The following OR3A2 variants were observed in gnomAD, a reference collection of about 807,000 sequenced individuals.
OR3A2 encodes olfactory receptor 3A2.
For missense variants in OR3A2, 318 were observed against 392.8 expected, an observed-to-expected ratio of 0.81 and a Z score of 1.61; for synonymous variants, 126 against 159.3, an observed-to-expected ratio of 0.79 and a Z score of 1.57.
intron 3 of OR3A2, chr17:3,291,576 C>T (rs1024636533): frequency 2.2e-6 from 3 of 1,390,416 alleles, no homozygotes; most frequent in South Asian, 2.9e-5. Flanking sequence ...TAGTTTCTGG[C>T]TCTAGAAGAC....
chr17:3,318,925 CTA>C (rs1219368458), intron 3 of OR3A2, among the ~76,000 whole-genome samples: 1 of 151,654 alleles, frequency 6.6e-6, no homozygotes, highest in Non-Finnish European at 1.5e-5. Context: ...CAGTGAATCT[CTA>C]TTTCCTATTG....
At position 3,278,990 on chromosome 17, in the gene OR3A2, T is replaced by A. The variant is rs2003789; in HGVS notation, c.-6-67A>T. On this transcript the variant is annotated intron_variant, in intron 1 of 1. Coordinates refer to ENST00000642052, the Ensembl canonical transcript of OR3A2. ...AGTTCACTTATTCAACATTAATATT[T>A]TAAACCATTTATGTTCAAAGCCCCG... The A allele has an allele frequency of 1.1e-3, 1,761 of 1,565,118 alleles. 14 individuals carry two copies. In the African/African-American group the frequency reaches 0.021, roughly 19 times the overall value.
At chr17:3,326,303 C>A (rs1276263144) in intron 3 of OR3A2, among the ~76,000 whole-genome samples, 1 of 151,936 alleles carries the variant, frequency 6.6e-6, no homozygotes, top group African/African-American at 2.4e-5. Flanking sequence ...TGGGTTTATA[C>A]CCAGTAATGG....
intron 3 of OR3A2, among the ~76,000 whole-genome samples, chr17:3,314,348 T>G (rs188930321): frequency 0.012 from 1,772 of 151,114 alleles, 37 homozygotes; most frequent in African/African-American, 0.041. Flanking sequence ...AAGTAAAGAG[T>G]TTTTAACTCT....
intron 2 of OR3A2, among the ~76,000 whole-genome samples, chr17:3,345,149 T>C (rs890897666): frequency 6.6e-6 from 1 of 152,132 alleles, no homozygotes; most frequent in Non-Finnish European, 1.5e-5. Context: ...CTGATGTAGG[T>C]AGGACAATAA....
At chr17:3,346,122 T>C (rs1408119167) in intron 2 of OR3A2, among the ~76,000 whole-genome samples, 1 of 152,130 alleles carries the variant, frequency 6.6e-6, no homozygotes, top group Non-Finnish European at 1.5e-5. Flanking sequence ...ATAAAAAAAA[T>C]TGCCAGGACA....
intron 3 of OR3A2, chr17:3,291,703 T>C (rs1173562145): frequency 1.9e-6 from 3 of 1,612,168 alleles, no homozygotes; most frequent in Non-Finnish European, 2.5e-6. Context: ...TTTCTGAAGC[T>C]GTAGATGATT....
intron 3 of OR3A2, chr17:3,310,803 G>T: frequency 1.4e-6 from 1 of 712,404 alleles, no homozygotes; most frequent in Non-Finnish European, 2.4e-6. Context: ...CCAAACTGTT[G>T]CCCTGTCTCC....
chr17:3,373,100 G>C (rs2049647125), intron 2 of OR3A2, among the ~76,000 whole-genome samples: 1 of 152,164 alleles, frequency 6.6e-6, no homozygotes, highest in African/African-American at 2.4e-5. Context: ...CGTGTGTGTA[G>C]TTTTGAGGGT....
chr17:3,349,708 C>T (rs1277478659), intron 2 of OR3A2, among the ~76,000 whole-genome samples: 1 of 150,790 alleles, frequency 6.6e-6, no homozygotes, highest in African/African-American at 2.4e-5. Context: ...GAACTCTCCA[C>T]CCCAAATCAA....
At position 3,374,653 on chromosome 17, in the gene OR3A2, C is replaced by T. The variant is rs182313168; in HGVS notation, c.-179+9151G>A. On this transcript the variant is annotated intron_variant, in intron 2 of 4. Transcript: ENST00000573491. The stretch of plus-strand genomic sequence containing the variant: ...AGAAATTGTGATTATCTTTTCTTTA[C>T]GGTTTCTATTTCTCTGGAGACATTT... 4.3e-4 allele frequency among the ~76,000 whole-genome samples: 66 copies of T among 152,110 alleles called. No individual in the cohort carries two copies. The East Asian group carries it at 9.8e-3, about 23-fold the overall frequency.
chr17:3,363,960 G>A (rs2049541397), intron 2 of OR3A2, among the ~76,000 whole-genome samples: 2 of 152,076 alleles, frequency 1.3e-5, no homozygotes, highest in Admixed American at 1.3e-4. Flanking sequence ...AACAGCAAGG[G>A]GAAAATCTGC....
At position 3,350,607 on chromosome 17, in the gene OR3A2, A is replaced by G. The variant is rs906446222; in HGVS notation, c.-178-14481T>C. 1.7e-3 allele frequency among the ~76,000 whole-genome samples: 261 copies of G among 150,440 alleles called. 1 individual carries two copies. Among genetic ancestry groups the G allele is most frequent in the African/African-American group, 5.7e-3 (236 of 41,350 alleles). ...ACAGCCGAATTCTACCAGAGGTACA[A>G]GGAGGAACAGGTACCATTCCTTCTG... On this transcript the variant is annotated intron_variant, in intron 2 of 4. Transcript: ENST00000573491.
chr17:3,341,401 C>T (rs2150647705), intron 2 of OR3A2, among the ~76,000 whole-genome samples: 1 of 152,276 alleles, frequency 6.6e-6, no homozygotes, highest in Non-Finnish European at 1.5e-5. Context: ...GTGGCTAGTA[C>T]CGGTTTTTCC....
chr17:3,301,001 T>C (rs1238593080), intron 3 of OR3A2, among the ~76,000 whole-genome samples: 6 of 152,214 alleles, frequency 3.9e-5, no homozygotes, highest in Non-Finnish European at 8.8e-5. Context: ...TTCATCCCTG[T>C]CCTTACAAAG....
chr17:3,350,363 C>A (rs1170683655), intron 2 of OR3A2, among the ~76,000 whole-genome samples: 2 of 149,444 alleles, frequency 1.3e-5, no homozygotes, highest in Non-Finnish European at 3.0e-5. Flanking sequence ...CACCACCAAT[C>A]CCACAGAAAT....
At chr17:3,301,593 C>T (rs1014189455) in intron 3 of OR3A2, among the ~76,000 whole-genome samples, 7 of 152,078 alleles carry the variant, frequency 4.6e-5, no homozygotes, top group African/African-American at 7.2e-5. Flanking sequence ...TGGATATTAG[C>T]CCTTTGTCAG....
At chr17:3,380,463 C>G (rs1297291450) in intron 2 of OR3A2, among the ~76,000 whole-genome samples, 1 of 152,156 alleles carries the variant, frequency 6.6e-6, no homozygotes, top group Non-Finnish European at 1.5e-5. Context: ...ATCTAGGAAT[C>G]ATTGCCAGCT....
intron 3 of OR3A2, chr17:3,310,819 A>G: frequency 1.1e-6 from 1 of 927,498 alleles, no homozygotes; most frequent in Non-Finnish European, 1.6e-6. Flanking sequence ...TCTCCTCTTA[A>G]CTTCTGTGGC....
Sources: gnomAD v4.1 joint callset for allele counts (sites outside exome capture counted in the v4.1 genomes callset) on GRCh38, gnomAD v4.1.1 for gene constraint, MANE v1.5 for transcripts, NCBI Gene and HGNC (gene_info 2026-07-23, HGNC 2026-07-21) for gene names.